DROSHA: variants seen among roughly 807,000 people sequenced by gnomAD.
DROSHA encodes drosha ribonuclease III.
Under a neutral mutation model 181.9 loss-of-function variants are expected in DROSHA, and 56 were observed. That is an observed-to-expected ratio of 0.31 (90% CI 0.25 to 0.38). The LOEUF (loss-of-function observed/expected upper bound fraction) is 0.38. Ranked by LOEUF, DROSHA falls within the 10% of genes least tolerant of loss-of-function variation. The pLI is 1.00. For missense variants in DROSHA, 1,218 were observed against 1,743.5 expected, an observed-to-expected ratio of 0.70 and a Z score of 5.37; for synonymous variants, 524 against 591.2, an observed-to-expected ratio of 0.89 and a Z score of 1.65.
chr5:31,442,662 G>T (rs1745734813), intron 23 of DROSHA, among the ~76,000 whole-genome samples: 1 of 152,064 alleles, frequency 6.6e-6, no homozygotes, highest in African/African-American at 2.4e-5. Flanking sequence ...GCCATCTTGG[G>T]ATAGGCCAAA....
chr5:31,452,633 G>A (rs1292799396), intron 20 of DROSHA, among the ~76,000 whole-genome samples: 1 of 152,016 alleles, frequency 6.6e-6, no homozygotes, highest in Non-Finnish European at 1.5e-5. Context: ...GTTTTAAGCT[G>A]GTATTGTTTA....
At chr5:31,483,694 A>T in intron 15 of DROSHA, 66 bp from the exon 16 acceptor site, 1 of 1,452,364 alleles carries the variant, frequency 6.9e-7, no homozygotes, top group Non-Finnish European at 9.4e-7. Context: ...AAGCACTGCA[A>T]CTTAATTTCT....
At chr5:31,471,534 C>T in intron 17 of DROSHA, among the ~76,000 whole-genome samples, 1 of 150,842 alleles carries the variant, frequency 6.6e-6, no homozygotes, top group East Asian at 1.9e-4. Flanking sequence ...TAAGTAGCAC[C>T]CAAAGAAATG....
intron 4 of DROSHA, among the ~76,000 whole-genome samples, chr5:31,528,072 T>C (rs2150065276): frequency 6.6e-6 from 1 of 152,268 alleles, no homozygotes; most frequent in Middle Eastern, 3.4e-3. Flanking sequence ...CTTCTCTGGC[T>C]GTTCCTCCTG....
chr5:31,522,203 T>C (rs539182018), intron 5 of DROSHA, among the ~76,000 whole-genome samples: 12 of 152,340 alleles, frequency 7.9e-5, no homozygotes, highest in Admixed American at 3.3e-4. Flanking sequence ...GTTTCTGATA[T>C]ATATACAATC....
chr5:31,498,936 T>C (rs1292088133), intron 11 of DROSHA, among the ~76,000 whole-genome samples: 3 of 151,830 alleles, frequency 2.0e-5, no homozygotes, highest in Non-Finnish European at 4.4e-5. Context: ...GATGGCATCA[T>C]TGGGTGCACC....
chr5:31,483,154 A>G (rs1014976921), intron 16 of DROSHA, among the ~76,000 whole-genome samples: 1 of 152,208 alleles, frequency 6.6e-6, no homozygotes, highest in East Asian at 1.9e-4. Context: ...AGAAAAAATC[A>G]CTATAATCCT....
At chr5:31,438,176 A>G (rs960506518) in intron 23 of DROSHA, among the ~76,000 whole-genome samples, 4 of 152,310 alleles carry the variant, frequency 2.6e-5, no homozygotes, top group East Asian at 3.9e-4. Flanking sequence ...AGTGAAGCCA[A>G]TGGAGCACCC....
intron 27 of DROSHA, among the ~76,000 whole-genome samples, chr5:31,425,248 G>A (rs1386247908): frequency 6.6e-6 from 1 of 152,044 alleles, no homozygotes; most frequent in Non-Finnish European, 1.5e-5. Flanking sequence ...GGAAAATTTA[G>A]TACCACTTGT....
At chr5:31,478,233 T>C (rs1392226548) in intron 16 of DROSHA, among the ~76,000 whole-genome samples, 1 of 152,224 alleles carries the variant, frequency 6.6e-6, no homozygotes, top group Non-Finnish European at 1.5e-5. Flanking sequence ...TCAGCTTCCC[T>C]GGGCCACAGT....
intron 6 of DROSHA, among the ~76,000 whole-genome samples, chr5:31,517,187 A>T (rs1024214757): frequency 1.3e-5 from 2 of 152,196 alleles, no homozygotes; most frequent in African/African-American, 4.8e-5. Context: ...CAAATTTTTT[A>T]AAATTATGAT....
chr5:31,526,635 G>A lies in DROSHA; in HGVS notation c.298C>T (p.Pro100Ser). Residue 100 changes from proline to serine, a missense_variant, in exon 5 of 36, where the codon CCG (proline) becomes TCG (serine). Coordinates refer to ENST00000344624, the MANE Select transcript of DROSHA (RefSeq NM_001382508.1). ...QGPLPPCPIRPPFPNHQMRHP... is the reference protein window; with the variant it reads ...QGPLPPCPIRSPFPNHQMRHP... ...CTCATCTGGTGGTTGGGGAAAGGCGGCCTGATTGGGCAGGGGGGAAGAGGG... is the reference window on the plus strand; with the variant it reads ...CTCATCTGGTGGTTGGGGAAAGGCGACCTGATTGGGCAGGGGGGAAGAGGG... 6.6e-7 allele frequency: 1 copy of A among 1,517,524 alleles called. No individual in the cohort carries two copies. The allele number at this position is 1,517,524 out of a possible 1,614,324, so 94.0% of individuals were successfully genotyped here.
chr5:31,425,307 G>T (rs955550249), intron 27 of DROSHA, among the ~76,000 whole-genome samples: 4 of 152,100 alleles, frequency 2.6e-5, no homozygotes, highest in Admixed American at 2.6e-4. Flanking sequence ...TTGCACAACT[G>T]ATATCTTAAT....
intron 22 of DROSHA, 55 bp from the exon 23 acceptor site, chr5:31,448,662 A>C: frequency 1.5e-6 from 2 of 1,373,816 alleles, no homozygotes. Context: ...GAATTATAGG[A>C]CCATCATATT....
In DROSHA at chr5:31,497,962, C is replaced by T. The variant is rs79446823; in HGVS notation, c.1669-2590G>A. Among the ~76,000 whole-genome samples the T allele has an allele frequency of 9.9e-3, 1,515 of 152,316 alleles. 23 individuals are homozygous for T. Among genetic ancestry groups the T allele is most frequent in the African/African-American group, 0.035 (1,454 of 41,570 alleles). The stretch of plus-strand genomic sequence containing the variant: ...ACCAAGTCACCAGGAGGGTCTTCAT[C>T]CAGAGACCATTCTCAAGTTTGGAGG... On this transcript the variant is annotated intron_variant, in intron 11 of 35. Transcript: ENST00000344624.
chr5:31,523,031 G>T (rs1740078487), intron 5 of DROSHA, among the ~76,000 whole-genome samples: 1 of 152,166 alleles, frequency 6.6e-6, no homozygotes, highest in East Asian at 1.9e-4. Context: ...AAGAAGCAGG[G>T]GAGGGGCAAC....
At chr5:31,500,981 C>T (rs1753517786) in intron 11 of DROSHA, among the ~76,000 whole-genome samples, 1 of 152,206 alleles carries the variant, frequency 6.6e-6, no homozygotes, top group South Asian at 2.1e-4. Flanking sequence ...TAAATAGTCA[C>T]ACTATTCCTT....
intron 6 of DROSHA, among the ~76,000 whole-genome samples, chr5:31,515,889 A>G (rs1454278058): frequency 6.6e-6 from 1 of 152,222 alleles, no homozygotes; most frequent in Non-Finnish European, 1.5e-5. Flanking sequence ...ATGAAAAAAC[A>G]ACTCCATCTC....
chr5:31,475,515 A>T (rs1750259879), intron 16 of DROSHA, among the ~76,000 whole-genome samples: 1 of 152,304 alleles, frequency 6.6e-6, no homozygotes. Flanking sequence ...CTAATGCCAG[A>T]ATACGTTGTC....
Sources: gnomAD v4.1 joint callset for allele counts (sites outside exome capture counted in the v4.1 genomes callset) on GRCh38, gnomAD v4.1.1 for gene constraint, MANE v1.5 for transcripts, NCBI Gene and HGNC (gene_info 2026-07-23, HGNC 2026-07-21) for gene names.